The following DMXL1 variants were observed in gnomAD, a reference collection of about 807,000 sequenced individuals.
DMXL1 encodes the protein Dmx like 1, also known as dmX-like protein 1.
Under a neutral mutation model 319.2 loss-of-function variants are expected in DMXL1, and 99 were observed. The observed-to-expected ratio is 0.31, with a 90% CI of 0.26 to 0.37. The LOEUF (loss-of-function observed/expected upper bound fraction) is 0.37. Among genes scored for constraint, DMXL1 ranks in the 10% least tolerant of loss-of-function variants. DMXL1 has a pLI of 1.00. For synonymous variants in DMXL1, 1,385 were observed against 1,235.2 expected (o/e 1.12, Z -2.54); for missense variants, 3,745 against 3,595.6 (o/e 1.04, Z -1.06).
At chr5:119,238,148 G>GT (rs3839240) in intron 40 of DMXL1, among the ~76,000 whole-genome samples, 4,955 of 151,604 alleles carry the variant, frequency 0.033, 248 homozygotes, top group East Asian at 0.12. Context: ...CTAAGGGACT[G>GT]TTTTTTTTAA....
chr5:119,188,506 T>G (rs910974366), intron 28 of DMXL1, among the ~76,000 whole-genome samples: 3 of 152,248 alleles, frequency 2.0e-5, no homozygotes, highest in Non-Finnish European at 1.5e-5. Context: ...ATCTCTATAG[T>G]TCTCACTTTT....
chr5:119,217,027 T>G (rs1469694378), intron 35 of DMXL1, 40 bp downstream of exon 35: 1 of 1,143,608 alleles, frequency 8.7e-7, no homozygotes, highest in East Asian at 2.7e-5. Context: ...ATTAAGTATT[T>G]ATAGTTGGAT....
chr5:119,118,694 T>C (rs187829044), intron 7 of DMXL1, 121 bp from the exon 8 acceptor site: 18 of 720,380 alleles, frequency 2.5e-5, no homozygotes, highest in Non-Finnish European at 3.4e-5. Context: ...TCTGTACATA[T>C]TGATATTTTC....
rs1032159549 is a variant in DMXL1, at chr5:119,071,408, C to T, written c.-162C>T. 1 of 677,218 alleles carries T rather than the reference C, an allele frequency of 1.5e-6. No individual in the cohort carries two copies. Among genetic ancestry groups the T allele is most frequent in the Non-Finnish European group, 2.5e-6 (1 of 405,284 alleles). The allele number at this position is 677,218 out of a possible 1,614,324, so 42.0% of individuals were successfully genotyped here. On this transcript the variant is annotated 5_prime_UTR_variant, in exon 1 of 44. Transcript: ENST00000539542. Reference sequence around the variant, plus strand: ...TCGCCCTCCGGGGCTCGGGATGAGTCGCGGGCCCCAGCTGAGCGGCTCCGG... The same window carrying T: ...TCGCCCTCCGGGGCTCGGGATGAGTTGCGGGCCCCAGCTGAGCGGCTCCGG...
chr5:119,173,776 G>A (rs865806481), intron 25 of DMXL1, among the ~76,000 whole-genome samples: 1,401 of 66,994 alleles, frequency 0.021, 62 homozygotes, highest in South Asian at 0.039. Context: ...ATGTGTGTGT[G>A]TATATATATA....
intron 36 of DMXL1, 123 bp from the exon 37 acceptor site, chr5:119,220,817 T>G: frequency 7.9e-7 from 1 of 1,264,486 alleles, no homozygotes; most frequent in African/African-American, 1.5e-5. Flanking sequence ...GTGTGTGAGT[T>G]ACAAATAAGA....
At chr5:119,210,465 A>T (rs1426443254) in intron 34 of DMXL1, among the ~76,000 whole-genome samples, 1 of 152,122 alleles carries the variant, frequency 6.6e-6, no homozygotes. Context: ...TGAAGTATAG[A>T]CCTCAGTTCT....
In DMXL1 at chr5:119,178,258, A is replaced by G; in HGVS notation, c.7135+14A>G. ...AAACTTTACCTGGTGAGTTTAAAAAATTTTTTTAGGACTGAAGCTTTATTT... is the reference window on the plus strand; with the variant it reads ...AAACTTTACCTGGTGAGTTTAAAAAGTTTTTTTAGGACTGAAGCTTTATTT... On this transcript the variant is annotated intron_variant, in intron 28 of 43. Transcript: ENST00000539542. 2 of 1,608,606 alleles carry G rather than the reference A, an allele frequency of 1.2e-6. No homozygotes were observed. The highest frequency in any genetic ancestry group is 1.1e-5 in the South Asian group (1 of 90,110).
chr5:119,096,811 T>C (rs1456734875), intron 1 of DMXL1, among the ~76,000 whole-genome samples: 1 of 152,366 alleles, frequency 6.6e-6, no homozygotes, highest in South Asian at 2.1e-4. Context: ...GTGATGACTG[T>C]TTTTGTGAAA....
chr5:119,242,146 T>A lies in DMXL1; in HGVS notation c.8704+1675T>A, dbSNP rs563577896. On this transcript the variant is annotated intron_variant, in intron 42 of 43. Transcript: ENST00000539542. ...GCATTCATGGCATACTTTTTCTTAA[T>A]TTTTTGGATATTTCTTGGCTATGTG... Among the ~76,000 whole-genome samples, 7 of 152,352 alleles carry A rather than the reference T, an allele frequency of 4.6e-5. No individual in the cohort carries two copies. The East Asian group carries it at 1.2e-3, about 25-fold the overall frequency.
rs1779634660 is a variant in DMXL1, at chr5:119,196,424, C to T, written c.7511C>T (p.Thr2504Ile). 6.2e-7 allele frequency: 1 copy of T among 1,612,334 alleles called. No individual in the cohort carries two copies. The highest frequency in any genetic ancestry group is 1.7e-5 in the Admixed American group (1 of 59,856). The change falls in exon 31 of 44, where the codon ACT becomes ATT. Residue 2504 changes from threonine (T) to isoleucine (I), a missense_variant. This residue lies in a region of DMXL1 where 1,382 missense variants were observed against 1,269.5 expected (regional missense o/e 1.09). Transcript: ENST00000539542. Reference protein sequence around the residue: ...MVQLVLNNLKTFYPFAGHDLA... With the variant: ...MVQLVLNNLKIFYPFAGHDLA... ...CAATTGGTGCTCAACAATTTGAAGA[C>T]TTTTTATCCCTTCGCAGGTCATGAT... is the stretch of plus-strand genomic sequence containing the variant.
intron 18 of DMXL1, among the ~76,000 whole-genome samples, chr5:119,151,349 TGAAAG>T (rs1318580398): frequency 2.6e-5 from 4 of 152,104 alleles, no homozygotes; most frequent in South Asian, 2.1e-4. Flanking sequence ...GAATGAAACT[TGAAAG>T]GAAAATATAG....
chr5:119,218,359 A>G (rs1171006838), intron 35 of DMXL1, among the ~76,000 whole-genome samples: 3 of 152,198 alleles, frequency 2.0e-5, no homozygotes, highest in East Asian at 1.9e-4. Context: ...TCACATATAT[A>G]AAGTCTACAA....
At position 119,098,061 on chromosome 5, in the gene DMXL1, ATAT is replaced by A; in HGVS notation, c.172_174del (p.Ile58del). On this transcript the variant is annotated inframe_deletion, in exon 2 of 44. Transcript: ENST00000539542. ...ATAATCCCAGGAGCTAAACATGGAA[ATAT>A]TCAAGTGGGATGTGTAGACTGTTCA... 1 of 1,608,832 alleles carries A rather than the reference ATAT, an allele frequency of 6.2e-7. No homozygotes were observed. Among genetic ancestry groups the A allele is most frequent in the East Asian group, 2.2e-5 (1 of 44,680 alleles).
At chr5:119,178,379 C>A in intron 28 of DMXL1, 135 bp downstream of exon 28, 1 of 1,030,364 alleles carries the variant, frequency 9.7e-7, no homozygotes, top group Non-Finnish European at 1.4e-6. Flanking sequence ...AACAAATAGT[C>A]ATACAGTGAA....
At chr5:119,156,400 T>G (rs1056559684) in intron 19 of DMXL1, among the ~76,000 whole-genome samples, 2 of 152,256 alleles carry the variant, frequency 1.3e-5, no homozygotes, top group Non-Finnish European at 2.9e-5. Context: ...GTTACTCATT[T>G]TATTGCAATA....
intron 38 of DMXL1, among the ~76,000 whole-genome samples, chr5:119,227,166 C>T (rs991301015): frequency 1.3e-5 from 2 of 152,164 alleles, no homozygotes; most frequent in African/African-American, 4.8e-5. Context: ...TGCCAGGATC[C>T]AGGGACAAAG....
Position 119,133,950 on chromosome 5 carries a change from C to T in DMXL1, c.2026C>T (p.Leu676=). Residue 676 remains leucine, a synonymous_variant, in exon 12 of 44, where the codon CTA becomes TTA. Coordinates refer to ENST00000539542, the MANE Select transcript of DMXL1 (RefSeq NM_001290321.3). ...TAACCCAGAGCAACCTTTTGATGCT[C>T]TAAATATTGAAGAATGCTCTTTGAC... The part of the protein sequence containing the change: ...VDNPEQPFDA[L]NIEECSLTQQ... 2.5e-6 allele frequency: 4 copies of T among 1,614,152 alleles called. No individual in the cohort carries two copies. Among genetic ancestry groups the T allele is most frequent in the Middle Eastern group, 1.6e-4 (1 of 6,062 alleles).
rs920238442 is a variant in DMXL1, at chr5:119,156,925, A to G, written c.4702+4889A>G. On this transcript the variant is annotated intron_variant, in intron 19 of 43. Coordinates refer to ENST00000539542, the MANE Select transcript of DMXL1 (RefSeq NM_001290321.3). ...TTTAATTTGCATTTTCCTGATGATT[A>G]TAGATATCAAGCGCTTTTTTCATTT... 3.9e-5 allele frequency among the ~76,000 whole-genome samples: 6 copies of G among 151,908 alleles called. No individual in the cohort carries two copies. In the East Asian group the frequency reaches 1.2e-3, roughly 29 times the overall value.
Sources: allele counts gnomAD v4.1 joint callset (sites outside exome capture counted in the v4.1 genomes callset), GRCh38; gene constraint gnomAD v4.1.1; regional missense constraint gnomAD v4.1.1; transcripts MANE v1.5; gene names NCBI Gene and HGNC (gene_info 2026-07-23, HGNC 2026-07-21).